The following RPS6KC1 variants were observed in gnomAD, a reference collection of about 807,000 sequenced individuals.
RPS6KC1 encodes inactive ribosomal protein S6 kinase delta-1.
In RPS6KC1, 54 loss-of-function variants were observed where a neutral mutation model predicts 103.8. The ratio of observed to expected loss-of-function variants is 0.52; its 90% CI spans 0.42 to 0.65. The LOEUF (loss-of-function observed/expected upper bound fraction) is 0.65. Ranked by LOEUF, RPS6KC1 falls within the 30% of genes least tolerant of loss-of-function variation. The probability of loss-of-function intolerance (pLI) is 0.00; values close to 1 mark genes in which losing one functional copy is unlikely to be tolerated. For missense variants in RPS6KC1, 1,151 were observed against 1,253.8 expected, an observed-to-expected ratio of 0.92 and a Z score of 1.24; for synonymous variants, 439 against 438.7, an observed-to-expected ratio of 1.00 and a Z score of -0.01.
the RPS6KC1 span, among the ~76,000 whole-genome samples, chr1:213,432,925 G>A: frequency 2.6e-5 from 4 of 152,184 alleles, no homozygotes; most frequent in East Asian, 3.9e-4. Context: ...TTTAGCTATT[G>A]TAAATAAAGC....
At chr1:213,554,234 T>C in the RPS6KC1 span, among the ~76,000 whole-genome samples, 5 of 152,364 alleles carry the variant, frequency 3.3e-5, no homozygotes, top group South Asian at 4.1e-4. Context: ...GTTTCAATCT[T>C]CTGCATATGG....
intron 8 of RPS6KC1, among the ~76,000 whole-genome samples, chr1:213,184,402 C>A (rs1056727834): frequency 4.0e-5 from 6 of 151,708 alleles, no homozygotes; most frequent in Non-Finnish European, 8.8e-5. Flanking sequence ...TATTTAAATT[C>A]ATTTAAATTC....
chr1:213,613,850 G>T, the RPS6KC1 span, among the ~76,000 whole-genome samples: 1 of 152,178 alleles, frequency 6.6e-6, no homozygotes, highest in East Asian at 1.9e-4. Flanking sequence ...CCACCCTAAG[G>T]CTAGTGCATC....
chr1:213,178,205 A>G (rs1347391897), intron 8 of RPS6KC1, among the ~76,000 whole-genome samples: 1 of 149,158 alleles, frequency 6.7e-6, no homozygotes, highest in Non-Finnish European at 1.5e-5. Context: ...AAATAAATAA[A>G]TAAATAAATA....
At chr1:213,513,278 C>T in the RPS6KC1 span, among the ~76,000 whole-genome samples, 1 of 152,134 alleles carries the variant, frequency 6.6e-6, no homozygotes, top group Non-Finnish European at 1.5e-5. Context: ...GGAACTCAGC[C>T]CTGCTAACAC....
chr1:213,217,781 A>G (rs1295941790), intron 8 of RPS6KC1, among the ~76,000 whole-genome samples: 2 of 152,230 alleles, frequency 1.3e-5, no homozygotes, highest in African/African-American at 4.8e-5. Flanking sequence ...CCACATGATT[A>G]CCTCAATAGA....
the RPS6KC1 span, among the ~76,000 whole-genome samples, chr1:213,305,235 C>G: frequency 6.6e-6 from 1 of 152,094 alleles, no homozygotes; most frequent in Non-Finnish European, 1.5e-5. Context: ...CAGGTGCGTG[C>G]CACCACACCC....
the RPS6KC1 span, among the ~76,000 whole-genome samples, chr1:213,735,175 T>C: frequency 2.0e-5 from 3 of 152,322 alleles, no homozygotes; most frequent in East Asian, 5.8e-4. Flanking sequence ...TATGTGAAAG[T>C]GAAGTCTCTG....
At chr1:213,858,877 C>G in the RPS6KC1 span, among the ~76,000 whole-genome samples, 2 of 152,200 alleles carry the variant, frequency 1.3e-5, no homozygotes, top group South Asian at 2.1e-4. Context: ...CTCACTCCCT[C>G]TTGACCCTTT....
chr1:213,204,999 A>G (rs2093294113), intron 8 of RPS6KC1, among the ~76,000 whole-genome samples: 1 of 152,062 alleles, frequency 6.6e-6, no homozygotes. Flanking sequence ...ACATGAATAC[A>G]TCTCATTTTG....
the RPS6KC1 span, among the ~76,000 whole-genome samples, chr1:213,525,496 GC>G: frequency 6.6e-6 from 1 of 152,118 alleles, no homozygotes; most frequent in African/African-American, 2.4e-5. Flanking sequence ...ACCAGCTGGG[GC>G]TATAATACAT....
chr1:213,505,834 G>A, the RPS6KC1 span, among the ~76,000 whole-genome samples: 12 of 152,184 alleles, frequency 7.9e-5, no homozygotes, highest in Admixed American at 6.5e-4. Flanking sequence ...TTGATCATTC[G>A]TGGTCCTTAT....
intron 12 of RPS6KC1, among the ~76,000 whole-genome samples, chr1:213,249,779 CAT>C (rs1186498925): frequency 6.6e-6 from 1 of 152,144 alleles, no homozygotes; most frequent in Non-Finnish European, 1.5e-5. Context: ...AACCAGAAGT[CAT>C]GTGGTAGTTA....
the RPS6KC1 span, among the ~76,000 whole-genome samples, chr1:213,532,223 TG>T: frequency 2.3e-4 from 35 of 152,122 alleles, no homozygotes; most frequent in African/African-American, 7.7e-4. Context: ...GCAGAAGGGG[TG>T]GGGAGCGGCC....
At chr1:213,363,593 C>CCTCGCTTGCTTGCTTG in the RPS6KC1 span, among the ~76,000 whole-genome samples, 53 of 106,454 alleles carry the variant, frequency 5.0e-4, 7 homozygotes, top group African/African-American at 1.1e-3. Flanking sequence ...ATTCTTTAGC[C>CCTCGCTTGCTTGCTTG]CTTGCTCGCT....
chr1:213,148,861 T>C (rs1206012030), intron 6 of RPS6KC1, among the ~76,000 whole-genome samples: 1 of 152,150 alleles, frequency 6.6e-6, no homozygotes, highest in African/African-American at 2.4e-5. Context: ...TTATCTGTTA[T>C]TGGTCTGTTC....
At chr1:213,508,494 GC>G in the RPS6KC1 span, among the ~76,000 whole-genome samples, 3 of 151,972 alleles carry the variant, frequency 2.0e-5, no homozygotes, top group Non-Finnish European at 4.4e-5. Context: ...AAGCTGTGTT[GC>G]TTTTGAAAGT....
At chr1:213,309,292 CT>C in the RPS6KC1 span, among the ~76,000 whole-genome samples, 1 of 152,100 alleles carries the variant, frequency 6.6e-6, no homozygotes, top group Non-Finnish European at 1.5e-5. Flanking sequence ...GAGACTTCAT[CT>C]CAAACAAACA....
chr1:213,096,207 C>T (rs1572496714), intron 3 of RPS6KC1, among the ~76,000 whole-genome samples: 3 of 152,214 alleles, frequency 2.0e-5, no homozygotes, highest in South Asian at 4.1e-4. Context: ...TTTCTCTGCT[C>T]GTCCATAAGA....
Sources: gnomAD v4.1 joint callset for allele counts (sites outside exome capture counted in the v4.1 genomes callset) on GRCh38, gnomAD v4.1.1 for gene constraint, MANE v1.5 for transcripts, NCBI Gene and HGNC (gene_info 2026-07-23, HGNC 2026-07-21) for gene names.